Variants in MEF2A observed in about 807,000 individuals in gnomAD.
The protein encoded by MEF2A is myocyte-specific enhancer factor 2A.
In MEF2A, 28 loss-of-function variants were observed where a neutral mutation model predicts 55.8. The ratio of observed to expected loss-of-function variants is 0.50; its 90% CI spans 0.37 to 0.69. The LOEUF is 0.69. Ranked by LOEUF, MEF2A falls within the 30% of genes least tolerant of loss-of-function variation. The pLI, the probability that MEF2A is intolerant of heterozygous loss-of-function variation, is 0.00. For synonymous variants in MEF2A, 239 were observed against 227.1 expected (o/e 1.05, Z -0.47); for missense variants, 528 against 626.2 (o/e 0.84, Z 1.67).
intron 2 of MEF2A, among the ~76,000 whole-genome samples, chr15:99,631,117 A>G (rs1478792911): frequency 2.6e-5 from 4 of 152,076 alleles, no homozygotes; most frequent in African/African-American, 7.2e-5. Flanking sequence ...GAAGCAAACT[A>G]CTCCACCATT....
At chr15:99,574,828 A>G (rs369331343) in intron 1 of MEF2A, among the ~76,000 whole-genome samples, 233 of 152,324 alleles carry the variant, frequency 1.5e-3, no homozygotes, top group African/African-American at 5.4e-3. Context: ...AGAATATGTC[A>G]AAGATGCAAG....
chr15:99,665,743 A>AAAAAAAAAAAAAAC (rs2049528599), intron 4 of MEF2A, among the ~76,000 whole-genome samples: 1 of 150,268 alleles, frequency 6.7e-6, no homozygotes, highest in Non-Finnish European at 1.5e-5. Context: ...AAAAAAAAAA[A>AAAAAAAAAAAAAAC]AAAAAAAAAA....
At chr15:99,581,584 G>A (rs1027797785) in intron 1 of MEF2A, among the ~76,000 whole-genome samples, 1 of 152,008 alleles carries the variant, frequency 6.6e-6, no homozygotes, top group Non-Finnish European at 1.5e-5. Flanking sequence ...CCTAGGTTCT[G>A]CTTCCCCCAA....
At chr15:99,685,889 A>T (rs1051622598) in intron 7 of MEF2A, among the ~76,000 whole-genome samples, 18 of 152,222 alleles carry the variant, frequency 1.2e-4, no homozygotes, top group Admixed American at 1.3e-4. Context: ...GATTGGTACT[A>T]GTTCTTCTTT....
In MEF2A at chr15:99,566,934, A is replaced by AT. The variant is rs372502013; in HGVS notation, c.-225+836dup. ...GGCTAGATCCCAGCTCGCAGAAAAT[A>AT]TTTTTTGTGTTAGAAACTTTGCTTT... On this transcript the variant is annotated intron_variant, in intron 1 of 11. Transcript: ENST00000557942. Among the ~76,000 whole-genome samples the AT allele has an allele frequency of 3.4e-3, 512 of 152,266 alleles. 4 individuals are homozygous for AT. Among genetic ancestry groups the AT allele is most frequent in the African/African-American group, 0.011 (472 of 41,554 alleles).
chr15:99,609,169 G>A (rs547190669), intron 2 of MEF2A, among the ~76,000 whole-genome samples: 1 of 152,178 alleles, frequency 6.6e-6, no homozygotes, highest in African/African-American at 2.4e-5. Flanking sequence ...CATGTGCATG[G>A]CATGACATTG....
chr15:99,687,154 G>T (rs2054438636), intron 7 of MEF2A, among the ~76,000 whole-genome samples: 2 of 123,974 alleles, frequency 1.6e-5, no homozygotes, highest in Middle Eastern at 0.015. Context: ...GTTTTGAACT[G>T]GGCTCAAGCG....
At chr15:99,686,885 A>T (rs904076903) in intron 7 of MEF2A, among the ~76,000 whole-genome samples, 1 of 151,434 alleles carries the variant, frequency 6.6e-6, no homozygotes, top group African/African-American at 2.4e-5. Flanking sequence ...CGTAATCTCA[A>T]ATTTTTTGGA....
intron 4 of MEF2A, among the ~76,000 whole-genome samples, chr15:99,656,387 C>T (rs2047709255): frequency 6.6e-6 from 1 of 152,052 alleles, no homozygotes; most frequent in African/African-American, 2.4e-5. Context: ...ACCGCAAAAC[C>T]TATGCAGCTT....
chr15:99,613,760 G>GT (rs2039700969), intron 2 of MEF2A, among the ~76,000 whole-genome samples: 1 of 152,158 alleles, frequency 6.6e-6, no homozygotes, highest in South Asian at 2.1e-4. Context: ...TTTGTATTTT[G>GT]ACAGCCCATG....
At chr15:99,659,936 A>G (rs28520235) in intron 4 of MEF2A, among the ~76,000 whole-genome samples, 5,064 of 152,322 alleles carry the variant, frequency 0.033, 300 homozygotes, top group African/African-American at 0.11. Context: ...CCACAAAACT[A>G]CAAGTCCAGA....
intron 7 of MEF2A, chr15:99,681,967 G>A (rs1281386809): frequency 6.6e-6 from 1 of 152,132 alleles, no homozygotes; most frequent in Non-Finnish European, 1.5e-5. Context: ...TTTGTTTATT[G>A]AATAATCAGC....
At chr15:99,708,768 G>A (rs2058307443) in intron 10 of MEF2A, among the ~76,000 whole-genome samples, 1 of 152,202 alleles carries the variant, frequency 6.6e-6, no homozygotes, top group African/African-American at 2.4e-5. Flanking sequence ...TTGTGTCAAG[G>A]GCTGTGTCTC....
intron 4 of MEF2A, among the ~76,000 whole-genome samples, chr15:99,653,773 A>G (rs921799998): frequency 2.0e-5 from 3 of 152,128 alleles, no homozygotes; most frequent in East Asian, 1.9e-4. Flanking sequence ...GAATAACCCA[A>G]AGCTTTATTA....
At chr15:99,589,910 T>A (rs1968673382) in intron 1 of MEF2A, among the ~76,000 whole-genome samples, 1 of 152,106 alleles carries the variant, frequency 6.6e-6, no homozygotes, top group South Asian at 2.1e-4. Flanking sequence ...TGTTTTATGG[T>A]CCAGCATATG....
At chr15:99,704,427 T>G (rs1476961579) in intron 9 of MEF2A, among the ~76,000 whole-genome samples, 1 of 152,238 alleles carries the variant, frequency 6.6e-6, no homozygotes, top group African/African-American at 2.4e-5. Context: ...GAGAAACACT[T>G]TACTTAATGA....
chr15:99,648,579 A>G (rs553036709), intron 4 of MEF2A, among the ~76,000 whole-genome samples: 5 of 152,270 alleles, frequency 3.3e-5, no homozygotes, highest in South Asian at 2.1e-4. Context: ...TATGTAAGCA[A>G]TAATGACACA....
intron 3 of MEF2A, among the ~76,000 whole-genome samples, chr15:99,640,928 A>G (rs2044786806): frequency 6.6e-6 from 1 of 151,944 alleles, no homozygotes; most frequent in African/African-American, 2.4e-5. Context: ...TCTTTTATAG[A>G]TAGTATGAGA....
At chr15:99,702,428 TC>T (rs1359377822) in intron 8 of MEF2A, among the ~76,000 whole-genome samples, 10 of 132,554 alleles carry the variant, frequency 7.5e-5, no homozygotes, top group Non-Finnish European at 1.5e-4. Flanking sequence ...CAAAAATGTT[TC>T]TTTTTTTTTT....
Sources: allele counts gnomAD v4.1 joint callset (sites outside exome capture counted in the v4.1 genomes callset), GRCh38; gene constraint gnomAD v4.1.1; transcripts MANE v1.5; gene names NCBI Gene and HGNC (gene_info 2026-07-23, HGNC 2026-07-21).